RAB28: variants seen among roughly 807,000 people sequenced by gnomAD.
RAB28 encodes ras-related protein Rab-28.
RAB28 carries 24 observed loss-of-function variants against 31.7 expected under a neutral mutation model. That is an observed-to-expected ratio of 0.76 (90% CI 0.55 to 1.06). RAB28 has a LOEUF of 1.06. Among genes scored for constraint, RAB28 ranks in the 50% least tolerant of loss-of-function variants. The pLI is 0.00. For missense variants in RAB28, 254 were observed against 258.5 expected, an observed-to-expected ratio of 0.98 and a Z score of 0.12; for synonymous variants, 100 against 90.4, an observed-to-expected ratio of 1.11 and a Z score of -0.60.
chr4:13,447,884 T>C (rs1714778009), intron 4 of RAB28, among the ~76,000 whole-genome samples: 1 of 152,136 alleles, frequency 6.6e-6, no homozygotes, highest in Non-Finnish European at 1.5e-5. Context: ...GAAGTTAAAA[T>C]TAAATGCTCT....
rs929284945 is a variant in RAB28, at chr4:13,367,917, C to A, written c.*641G>T. On this transcript the variant is annotated 3_prime_UTR_variant, in exon 7 of 7. Transcript: ENST00000330852. The stretch of plus-strand genomic sequence containing the variant: ...AGTATTACACAATACATAACGACAA[C>A]GATACAGTAATAAAAATACAATATC... The A allele has an allele frequency of 1.0e-6, 1 of 981,316 alleles. No individual in the cohort carries two copies. The highest frequency in any genetic ancestry group is 1.1e-4 in the East Asian group (1 of 8,788). The allele number at this position is 981,316 out of a possible 1,614,324, so 60.8% of individuals were successfully genotyped here. A position where few individuals can be genotyped will look rare whatever the true frequency, so the allele number is the denominator to read the frequency against.
chr4:13,402,580 CT>C (rs778785233), intron 4 of RAB28, among the ~76,000 whole-genome samples: 83 of 152,022 alleles, frequency 5.5e-4, no homozygotes, highest in Non-Finnish European at 1.1e-3. Context: ...CAAAATATAC[CT>C]TTTCCCATCC....
rs111570369 is a variant in RAB28, at chr4:13,397,254, T to A, written c.392-15660A>T. On this transcript the variant is annotated intron_variant, in intron 4 of 6. Transcript: ENST00000330852. ...AAATAATTGCATTTATATAAAAATA[T>A]TAAATGGCAAAACAACATTATTTGA... 2.8e-3 allele frequency among the ~76,000 whole-genome samples: 427 copies of A among 152,162 alleles called. 5 individuals are homozygous for A. The highest frequency in any genetic ancestry group is 9.0e-3 in the African/African-American group (375 of 41,548).
At chr4:13,424,950 T>G (rs1713393328) in intron 4 of RAB28, among the ~76,000 whole-genome samples, 1 of 152,142 alleles carries the variant, frequency 6.6e-6, no homozygotes, top group Non-Finnish European at 1.5e-5. Context: ...CCACTTCAAT[T>G]TACCTGAATT....
rs1051536999 is a variant in RAB28, at chr4:13,463,537, G to A, written c.262-2709C>T. ...GGCTACAACAGAGACAACATGGCCT[G>A]CAAAGCATAAAATATTTACTATCTA... On this transcript the variant is annotated intron_variant, in intron 3 of 6. Transcript: ENST00000330852. Among the ~76,000 whole-genome samples the A allele has an allele frequency of 4.1e-4, 63 of 152,138 alleles. 2 individuals are homozygous for A.
At chr4:13,377,928 T>C (rs1287971855) in intron 5 of RAB28, among the ~76,000 whole-genome samples, 3 of 152,138 alleles carry the variant, frequency 2.0e-5, no homozygotes, top group South Asian at 2.1e-4. Context: ...GAGCAACTGG[T>C]AGATCTGCTA....
At chr4:13,473,792 TC>T (rs1553815694) in intron 3 of RAB28, 1 of 237,294 alleles carries the variant, frequency 4.2e-6, no homozygotes, top group Non-Finnish European at 9.4e-6. Flanking sequence ...TACAGCATTA[TC>T]ATAGTAAATT....
At chr4:13,413,088 A>G (rs1449955431) in intron 4 of RAB28, among the ~76,000 whole-genome samples, 1 of 152,180 alleles carries the variant, frequency 6.6e-6, no homozygotes, top group Non-Finnish European at 1.5e-5. Context: ...CCGAAAAAAT[A>G]ACAGAACAGA....
At position 13,368,593 on chromosome 4, in the gene RAB28, T is replaced by A; in HGVS notation, c.631A>T (p.Asn211Tyr). ...YNQEPMSRTV[N>Y]PPRSSMCAVQ Reference sequence around the variant, plus strand: ...GCACACATAGAGCTTCTAGGAGGGTTAACAGTCCTTGACATAGGTTCCTGG... The same window carrying A: ...GCACACATAGAGCTTCTAGGAGGGTAAACAGTCCTTGACATAGGTTCCTGG... The change falls in exon 7 of 7, where the codon AAC (asparagine) becomes TAC (tyrosine). Residue 211 changes from asparagine (N) to tyrosine (Y), a missense_variant. Transcript: ENST00000330852. The A allele has an allele frequency of 6.2e-7, 1 of 1,612,696 alleles. No individual in the cohort carries two copies. The highest frequency in any genetic ancestry group is 2.2e-5 in the East Asian group (1 of 44,782).
At chr4:13,373,487 C>T (rs1227589421) in intron 6 of RAB28, among the ~76,000 whole-genome samples, 1 of 152,140 alleles carries the variant, frequency 6.6e-6, no homozygotes, top group Admixed American at 6.6e-5. Flanking sequence ...CTGGGAGCTC[C>T]TTGAGGATAG....
chr4:13,373,973 A>G (rs954424521), intron 6 of RAB28, among the ~76,000 whole-genome samples: 13 of 142,906 alleles, frequency 9.1e-5, no homozygotes, highest in African/African-American at 1.3e-4. Context: ...GTGTGTGTGT[A>G]TATATGTGTG....
At chr4:13,436,321 C>T (rs150253414) in intron 4 of RAB28, among the ~76,000 whole-genome samples, 191 of 152,274 alleles carry the variant, frequency 1.3e-3, no homozygotes, top group African/African-American at 4.4e-3. Flanking sequence ...ACTGTCATTA[C>T]TCCTATTCAA....
intron 4 of RAB28, among the ~76,000 whole-genome samples, chr4:13,421,721 C>T (rs1035135667): frequency 2.6e-5 from 4 of 152,168 alleles, no homozygotes; most frequent in African/African-American, 9.7e-5. Context: ...AAACAGGATA[C>T]CTTCCTTACA....
At chr4:13,434,322 G>A (rs1713975025) in intron 4 of RAB28, among the ~76,000 whole-genome samples, 1 of 152,124 alleles carries the variant, frequency 6.6e-6, no homozygotes. Context: ...TAAAATAAAA[G>A]TTGGGACAAC....
intron 3 of RAB28, among the ~76,000 whole-genome samples, chr4:13,465,083 A>G (rs1331063189): frequency 2.0e-5 from 3 of 152,024 alleles, no homozygotes; most frequent in Admixed American, 6.6e-5. Context: ...AAGACAGGAT[A>G]ATAGAAACTT....
chr4:13,371,792 A>G, intron 6 of RAB28: 1 of 1,547,114 alleles, frequency 6.5e-7, no homozygotes, highest in Non-Finnish European at 8.7e-7. Context: ...ATAAAATACC[A>G]ACCTTTATTT....
intron 4 of RAB28, among the ~76,000 whole-genome samples, chr4:13,408,281 T>C (rs1712218969): frequency 6.6e-6 from 1 of 152,232 alleles, no homozygotes; most frequent in East Asian, 1.9e-4. Context: ...ATGTGGTTTT[T>C]GTCATTGGTT....
At chr4:13,473,920 A>G in intron 3 of RAB28, 1 of 362,172 alleles carries the variant, frequency 2.8e-6, no homozygotes, top group South Asian at 2.1e-5. Context: ...AGACATATAG[A>G]TATACTTTCA....
intron 4 of RAB28, among the ~76,000 whole-genome samples, chr4:13,424,451 G>C (rs569144847): frequency 2.6e-5 from 4 of 152,010 alleles, no homozygotes; most frequent in Non-Finnish European, 5.9e-5. Flanking sequence ...CTCTCTTCTC[G>C]TAAGTCATTG....
Sources: gnomAD v4.1 joint callset for allele counts (sites outside exome capture counted in the v4.1 genomes callset) on GRCh38, gnomAD v4.1.1 for gene constraint, MANE v1.5 for transcripts, NCBI Gene and HGNC (gene_info 2026-07-23, HGNC 2026-07-21) for gene names.